The following ADCY3 variants were observed in gnomAD, a reference collection of about 807,000 sequenced individuals.
ADCY3 encodes the protein adenylate cyclase type 3.
A neutral mutation model predicts 119.4 loss-of-function variants in ADCY3; 70 were observed. The ratio of observed to expected loss-of-function variants is 0.59; its 90% confidence interval spans 0.48 to 0.72. ADCY3 has a LOEUF of 0.72. Among genes scored for constraint, ADCY3 ranks in the 30% least tolerant of loss-of-function variants. The pLI is 0.00. For synonymous variants in ADCY3, 672 were observed against 621.4 expected (o/e 1.08, Z -1.21); for missense variants, 1,238 against 1,541.6 (o/e 0.80, Z 3.30).
At chr2:24,847,160 G>C (rs1343884491) in intron 3 of ADCY3, among the ~76,000 whole-genome samples, 1 of 152,078 alleles carries the variant, frequency 6.6e-6, no homozygotes, top group African/African-American at 2.4e-5. Context: ...GAATCATGGG[G>C]GCCAGACTTT....
At chr2:24,850,139 G>A (rs1295217441) in intron 3 of ADCY3, among the ~76,000 whole-genome samples, 2 of 151,936 alleles carry the variant, frequency 1.3e-5, no homozygotes, top group African/African-American at 4.8e-5. Flanking sequence ...TCTCCAGAGA[G>A]CCCCTGGCCC....
intron 19 of ADCY3, 145 bp from the exon 20 acceptor site, chr2:24,821,785 G>A: frequency 8.2e-7 from 1 of 1,223,498 alleles, no homozygotes; most frequent in Non-Finnish European, 1.1e-6. Context: ...AGGAGTCGCA[G>A]CCACGCTAGC....
intron 21 of ADCY3, 70 bp from the exon 22 acceptor site, chr2:24,820,184 T>TG: frequency 9.6e-7 from 1 of 1,037,174 alleles, no homozygotes. Flanking sequence ...GTGGGGGCTT[T>TG]GGGTGGTTGG....
chr2:24,821,943 T>C, intron 19 of ADCY3: 1 of 323,958 alleles, frequency 3.1e-6, no homozygotes, highest in South Asian at 4.4e-5. Context: ...TTTTGTCAGG[T>C]TGTCCTTGTT....
chr2:24,854,485 A>T (rs549558750), intron 3 of ADCY3, among the ~76,000 whole-genome samples: 93 of 152,266 alleles, frequency 6.1e-4, no homozygotes, highest in African/African-American at 2.1e-3. Context: ...TTAAAGTGTA[A>T]ATCTTTCCAG....
At chr2:24,902,085 T>TG (rs1374367979) in intron 2 of ADCY3, among the ~76,000 whole-genome samples, 2 of 146,824 alleles carry the variant, frequency 1.4e-5, no homozygotes, top group African/African-American at 5.0e-5. Context: ...TATTTGGTTT[T>TG]TTTTTTTTTT....
chr2:24,872,561 G>A lies in ADCY3; in HGVS notation c.825+9C>T, dbSNP rs1455981564. Reference sequence around the variant, plus strand: ...AAGCTCCAGGCCCGAGGCCTCCCGAGAGCCTCACCTGCTGCTGGCTCTGCT... The same window carrying A: ...AAGCTCCAGGCCCGAGGCCTCCCGAAAGCCTCACCTGCTGCTGGCTCTGCT... On this transcript the variant is annotated intron_variant, in intron 3 of 21. Transcript: ENST00000679454. This position sits in a 1 kb window ranked among gnomAD's most constrained non-coding sequence, Gnocchi z 4.4. The A allele has an allele frequency of 6.2e-7, 1 of 1,613,432 alleles. No homozygotes were observed. Among genetic ancestry groups the A allele is most frequent in the Non-Finnish European group, 8.5e-7 (1 of 1,179,518 alleles).
chr2:24,897,552 C>T (rs1471121128), intron 2 of ADCY3, among the ~76,000 whole-genome samples: 2 of 152,136 alleles, frequency 1.3e-5, no homozygotes, highest in South Asian at 2.1e-4. Context: ...ACACAGTGCC[C>T]GGCGCGAAAC....
At chr2:24,916,677 T>A (rs1233670796) in intron 2 of ADCY3, among the ~76,000 whole-genome samples, 2 of 150,972 alleles carry the variant, frequency 1.3e-5, no homozygotes, top group East Asian at 2.0e-4. Flanking sequence ...CAAGACTCCG[T>A]CTCAAAAAAA....
In ADCY3 at chr2:24,887,056, G is replaced by A. The variant is rs182499445; in HGVS notation, c.676-14337C>T. 2.4e-3 allele frequency among the ~76,000 whole-genome samples: 364 copies of A among 152,260 alleles called. 2 individuals carry two copies. Among genetic ancestry groups the A allele is most frequent in the Non-Finnish European group, 4.2e-3 (287 of 68,018 alleles). On this transcript the variant is annotated intron_variant, in intron 2 of 21. Transcript: ENST00000679454. Reference sequence around the variant, plus strand: ...CTGCTATAAATAACTGCCTGTGACCGGGCAATTTATAAAGGAAAGAGGTTT... The same window carrying A: ...CTGCTATAAATAACTGCCTGTGACCAGGCAATTTATAAAGGAAAGAGGTTT...
intron 13 of ADCY3, among the ~76,000 whole-genome samples, chr2:24,829,713 C>CAT (rs1558414035): frequency 2.0e-5 from 3 of 151,348 alleles, no homozygotes; most frequent in Middle Eastern, 3.4e-3. Context: ...TGAGCCACTG[C>CAT]GCCCGGCACC....
rs751810345 is a variant in ADCY3 at position 24,834,962 on chromosome 2, T to G, written c.1663-26A>C. 1 of 1,607,952 alleles carries G rather than the reference T, an allele frequency of 6.2e-7. No individual in the cohort carries two copies. The highest frequency in any genetic ancestry group is 8.5e-7 in the Non-Finnish European group (1 of 1,177,968). ...CTGTGAGCCAGGGAGGCAGCGTGAG[T>G]GGGGCAGATGGGACAGAGTGGTGGG... is the stretch of plus-strand genomic sequence containing the variant. On this transcript the variant is annotated intron_variant, in intron 9 of 21. Coordinates refer to ENST00000679454, the MANE Select transcript of ADCY3 (RefSeq NM_004036.5). This position sits in a 1 kb window ranked among gnomAD's most constrained non-coding sequence, Gnocchi z 4.2.
At chr2:24,917,667 A>G (rs957835002) in intron 2 of ADCY3, among the ~76,000 whole-genome samples, 1 of 152,142 alleles carries the variant, frequency 6.6e-6, no homozygotes, top group African/African-American at 2.4e-5. Context: ...AGTGGCCGGC[A>G]TGACTGTCCC....
At chr2:24,847,589 G>C (rs1671798554) in intron 3 of ADCY3, among the ~76,000 whole-genome samples, 1 of 152,198 alleles carries the variant, frequency 6.6e-6, no homozygotes, top group Non-Finnish European at 1.5e-5. Context: ...GGCAGCCTTG[G>C]TGCTTGGCAA....
intron 2 of ADCY3, among the ~76,000 whole-genome samples, chr2:24,904,147 GAGAA>G (rs1357252783): frequency 4.7e-5 from 5 of 106,434 alleles, no homozygotes; most frequent in South Asian, 2.8e-4. Context: ...CAGAGAGAGA[GAGAA>G]AGAAAGAAAG....
chr2:24,903,598 A>T (rs11683266), intron 2 of ADCY3, among the ~76,000 whole-genome samples: 5,147 of 152,264 alleles, frequency 0.034, 122 homozygotes, highest in Non-Finnish European at 0.053. Flanking sequence ...TGAGATAAAA[A>T]GCGCTTCAAT....
intron 21 of ADCY3, 149 bp from the exon 22 acceptor site, chr2:24,820,263 T>G: frequency 8.3e-7 from 1 of 1,201,852 alleles, no homozygotes; most frequent in Non-Finnish European, 1.1e-6. Context: ...GCCAAGCCCT[T>G]CCACCCGTGG....
intron 3 of ADCY3, among the ~76,000 whole-genome samples, chr2:24,853,029 T>G (rs982789947): frequency 2.3e-4 from 25 of 107,000 alleles, no homozygotes; most frequent in Non-Finnish European, 4.2e-4. Context: ...TGTGTGTGTG[T>G]GTGTGTGTGT....
intron 2 of ADCY3, among the ~76,000 whole-genome samples, chr2:24,901,694 T>C (rs1550110): frequency 0.53 from 79,436 of 150,770 alleles, 23,220 homozygotes; most frequent in African/African-American, 0.8. Flanking sequence ...CCGGTGGTCC[T>C]AGCTACTCAG....
Sources: allele counts gnomAD v4.1 joint callset (sites outside exome capture counted in the v4.1 genomes callset), GRCh38; gene constraint gnomAD v4.1.1; non-coding constraint Gnocchi (gnomAD v3.1); transcripts MANE v1.5; gene names NCBI Gene and HGNC (gene_info 2026-07-23, HGNC 2026-07-21).